The following DLGAP2 variants were observed in gnomAD, a reference collection of about 807,000 sequenced individuals.
DLGAP2 encodes the protein DLG associated protein 2.
DLGAP2 carries 26 observed loss-of-function variants against 100.3 expected under a neutral mutation model. The ratio of observed to expected loss-of-function variants is 0.26; its 90% CI spans 0.19 to 0.36. DLGAP2 has a LOEUF of 0.36. Among genes scored for constraint, DLGAP2 ranks in the 10% least tolerant of loss-of-function variants. The pLI is 1.00. For synonymous variants in DLGAP2, 886 were observed against 630.1 expected, an observed-to-expected ratio of 1.41 and a Z score of -6.08; for missense variants, 1,858 against 1,453.2, an observed-to-expected ratio of 1.28 and a Z score of -4.53.
rs575150963 is a variant in DLGAP2, at chr8:1,256,502, G to A, written c.74-2349G>A. On this transcript the variant is annotated intron_variant, in intron 2 of 14. Coordinates refer to ENST00000637795, the MANE Select transcript of DLGAP2 (RefSeq NM_001346810.2). ...GGGTGCTGTGTGTGTGTCCTCTCCTGCCTGGGTGCTGTGTGTGTGCCCGTC... is the reference window on the plus strand; with the variant it reads ...GGGTGCTGTGTGTGTGTCCTCTCCTACCTGGGTGCTGTGTGTGTGCCCGTC... Among the ~76,000 whole-genome samples the A allele has an allele frequency of 8.1e-5, 11 of 135,098 alleles. No homozygotes were observed. In the East Asian group the frequency reaches 2.5e-3, roughly 30 times the overall value. The allele number at this position is 135,098 out of a possible 152,430, so 88.6% of individuals were successfully genotyped here.
chr8:1,221,408 G>C (rs1008452167), intron 2 of DLGAP2, among the ~76,000 whole-genome samples: 1 of 152,230 alleles, frequency 6.6e-6, no homozygotes, highest in South Asian at 2.1e-4. Context: ...TTTTCTTTAC[G>C]GATGCTGAAT....
chr8:1,065,894 C>T (rs1054653932), intron 2 of DLGAP2, among the ~76,000 whole-genome samples: 10 of 152,278 alleles, frequency 6.6e-5, no homozygotes, highest in African/African-American at 2.4e-4. Context: ...GTCATTCTCC[C>T]GCGTGGTCTG....
chr8:1,382,723 C>G (rs1358243809), intron 3 of DLGAP2, among the ~76,000 whole-genome samples: 1 of 152,110 alleles, frequency 6.6e-6, no homozygotes, highest in African/African-American at 2.4e-5. Flanking sequence ...GCCTGGGCAA[C>G]CCAGTGAGAC....
chr8:1,117,231 C>G (rs973427111), intron 2 of DLGAP2, among the ~76,000 whole-genome samples: 2 of 152,216 alleles, frequency 1.3e-5, no homozygotes, highest in Non-Finnish European at 1.5e-5. Flanking sequence ...CAGTGCCGAG[C>G]TAGTGCCTCG....
chr8:1,318,655 T>C (rs1800822258), intron 3 of DLGAP2, among the ~76,000 whole-genome samples: 1 of 151,984 alleles, frequency 6.6e-6, no homozygotes, highest in South Asian at 2.1e-4. Context: ...TCTGTGGCTA[T>C]AAGTTAAATA....
intron 2 of DLGAP2, among the ~76,000 whole-genome samples, chr8:1,005,576 C>T (rs920375952): frequency 1.8e-5 from 2 of 113,388 alleles, no homozygotes; most frequent in Non-Finnish European, 3.8e-5. Context: ...GCCCAGCTTG[C>T]CCAGCTAATT....
rs138576700 is a variant in DLGAP2 at position 1,697,466 on chromosome 8, G to A, written c.2949+167G>A. ...CACATGTGTATACGCACATGTGTGTGCGTGTGTGTGCATGTGCCGAAAATG... is the reference window on the plus strand; with the variant it reads ...CACATGTGTATACGCACATGTGTGTACGTGTGTGTGCATGTGCCGAAAATG... On this transcript the variant is annotated intron_variant, in intron 14 of 14. Transcript: ENST00000637795. 4.5e-3 allele frequency among the ~76,000 whole-genome samples: 687 copies of A among 152,304 alleles called. 4 individuals are homozygous for A. Among genetic ancestry groups the A allele is most frequent in the African/African-American group, 0.015 (627 of 41,552 alleles).
chr8:1,067,498 C>T (rs1417043538), intron 2 of DLGAP2, among the ~76,000 whole-genome samples: 1 of 152,154 alleles, frequency 6.6e-6, no homozygotes, highest in African/African-American at 2.4e-5. Context: ...ACTGTCTCAG[C>T]CGTGCCGTCC....
chr8:1,553,320 T>G (rs1801839774), intron 5 of DLGAP2, among the ~76,000 whole-genome samples: 1 of 152,198 alleles, frequency 6.6e-6, no homozygotes, highest in Admixed American at 6.5e-5. Context: ...CTGGCCCTCC[T>G]GGGGAAGAGG....
chr8:1,389,270 C>A (rs79796634), intron 3 of DLGAP2, among the ~76,000 whole-genome samples: 1 of 142,328 alleles, frequency 7.0e-6, no homozygotes, highest in South Asian at 2.1e-4. Context: ...TGGCTTCCTC[C>A]CAGTCAGTGG....
intron 3 of DLGAP2, among the ~76,000 whole-genome samples, chr8:1,345,579 G>T (rs757993717): frequency 2.0e-5 from 3 of 152,328 alleles, no homozygotes; most frequent in African/African-American, 7.2e-5. Context: ...ACATTGTGTG[G>T]ATGTAATTCC....
intron 3 of DLGAP2, among the ~76,000 whole-genome samples, chr8:1,374,474 T>C (rs1802341709): frequency 6.6e-6 from 1 of 152,214 alleles, no homozygotes; most frequent in Non-Finnish European, 1.5e-5. Flanking sequence ...ACCAGAGTCA[T>C]TCTGAAAGCA....
At chr8:1,445,630 G>A (rs2130086613) in intron 3 of DLGAP2, among the ~76,000 whole-genome samples, 1 of 152,284 alleles carries the variant, frequency 6.6e-6, no homozygotes, top group South Asian at 2.1e-4. Context: ...GGGTCAAATG[G>A]TATTTCTAGT....
At chr8:742,251 AAG>A (rs937679229) in intron 1 of DLGAP2, among the ~76,000 whole-genome samples, 58 of 152,228 alleles carry the variant, frequency 3.8e-4, no homozygotes, top group Non-Finnish European at 4.7e-4. Context: ...GCAGGAAAAA[AAG>A]AGAAAAATTT....
At chr8:1,618,024 C>A (rs1243306875) in intron 6 of DLGAP2, among the ~76,000 whole-genome samples, 1 of 152,192 alleles carries the variant, frequency 6.6e-6, no homozygotes, top group Non-Finnish European at 1.5e-5. Context: ...ACATTTAACT[C>A]CCTCCGTAAG....
intron 1 of DLGAP2, among the ~76,000 whole-genome samples, chr8:833,632 C>T (rs567665506): frequency 5.3e-5 from 8 of 152,328 alleles, no homozygotes; most frequent in Admixed American, 3.3e-4. Context: ...TCAGGACCCT[C>T]GGCTTCTCCC....
chr8:928,871 G>A (rs1444104173), intron 2 of DLGAP2, among the ~76,000 whole-genome samples: 1 of 151,914 alleles, frequency 6.6e-6, no homozygotes, highest in East Asian at 1.9e-4. Context: ...GGGTGGTCTG[G>A]GCTTACACCA....
chr8:1,424,397 A>C (rs188362073), intron 3 of DLGAP2, among the ~76,000 whole-genome samples: 25 of 152,310 alleles, frequency 1.6e-4, no homozygotes, highest in Admixed American at 7.2e-4. Context: ...GCATACTGAT[A>C]TTGGCATATG....
At chr8:1,165,421 G>A (rs1796996627) in intron 2 of DLGAP2, among the ~76,000 whole-genome samples, 1 of 152,246 alleles carries the variant, frequency 6.6e-6, no homozygotes, top group Admixed American at 6.5e-5. Context: ...GCTGTGATCA[G>A]AGGCTGGTTT....
Sources: allele counts gnomAD v4.1 joint callset (sites outside exome capture counted in the v4.1 genomes callset), GRCh38; gene constraint gnomAD v4.1.1; transcripts MANE v1.5; gene names NCBI Gene and HGNC (gene_info 2026-07-23, HGNC 2026-07-21).